Variants in GSE1 observed in about 807,000 individuals in gnomAD.
The protein encoded by GSE1 is Gse1 coiled-coil protein.
A neutral mutation model predicts 112.6 loss-of-function variants in GSE1; 32 were observed. The ratio of observed to expected loss-of-function variants is 0.28; its 90% CI spans 0.21 to 0.38. The LOEUF (loss-of-function observed/expected upper bound fraction) is 0.38, where lower values mean the gene tolerates loss of function less well. Among genes scored for constraint, GSE1 ranks in the 10% least tolerant of loss-of-function variants. The pLI, the probability that GSE1 is intolerant of heterozygous loss-of-function variation, is 1.00. For synonymous variants in GSE1, 1,115 were observed against 735.6 expected, an observed-to-expected ratio of 1.52 and a Z score of -8.35; for missense variants, 2,348 against 1,699.2, an observed-to-expected ratio of 1.38 and a Z score of -6.71.
At chr16:85,400,982 G>A (rs539073137) in intron 2 of GSE1, among the ~76,000 whole-genome samples, 32 of 152,240 alleles carry the variant, frequency 2.1e-4, no homozygotes, top group African/African-American at 7.2e-4. Context: ...GGAGGCAGCC[G>A]GCAAGGTTGG....
chr16:85,320,178 G>A (rs1022560715), intron 1 of GSE1, among the ~76,000 whole-genome samples: 1 of 152,240 alleles, frequency 6.6e-6, no homozygotes, highest in African/African-American at 2.4e-5. Context: ...CTCCAGAGGG[G>A]ACTGGGTGGG....
chr16:85,665,904 G>C (rs1389908936), intron 12 of GSE1, 72 bp from the exon 13 acceptor site: 26 of 1,440,752 alleles, frequency 1.8e-5, no homozygotes, highest in Non-Finnish European at 2.4e-5. Context: ...CTAGAGACCA[G>C]GATCTGCGTG....
At chr16:85,310,131 C>G (rs1004301642) in intron 1 of GSE1, among the ~76,000 whole-genome samples, 1 of 152,188 alleles carries the variant, frequency 6.6e-6, no homozygotes, top group African/African-American at 2.4e-5. Context: ...AGGGGCACCA[C>G]GCAGGCCTGT....
chr16:85,571,791 C>T (rs1222914159), intron 1 of GSE1, among the ~76,000 whole-genome samples: 1 of 152,114 alleles, frequency 6.6e-6, no homozygotes, highest in Admixed American at 6.5e-5. Context: ...CAGAGGGTCC[C>T]TGTCGGTGGC....
At chr16:85,325,348 G>A (rs1215986248) in intron 1 of GSE1, among the ~76,000 whole-genome samples, 1 of 152,090 alleles carries the variant, frequency 6.6e-6, no homozygotes, top group African/African-American at 2.4e-5. Context: ...TTTGACCTCT[G>A]GGGGCTCTTT....
intron 2 of GSE1, among the ~76,000 whole-genome samples, chr16:85,512,237 G>A (rs549846787): frequency 3.9e-5 from 6 of 152,178 alleles, no homozygotes; most frequent in Admixed American, 1.3e-4. Context: ...CGCCAAGCCT[G>A]GACCCAGGCA....
At chr16:85,467,677 C>G (rs966875925) in intron 2 of GSE1, among the ~76,000 whole-genome samples, 1 of 152,180 alleles carries the variant, frequency 6.6e-6, no homozygotes, top group African/African-American at 2.4e-5. Flanking sequence ...CCTTTCCTGA[C>G]CTAGCCAAAG....
intron 1 of GSE1, among the ~76,000 whole-genome samples, chr16:85,272,775 TTC>T (rs1908976019): frequency 6.8e-6 from 1 of 148,060 alleles, no homozygotes; most frequent in South Asian, 2.1e-4. Context: ...TTCTTCTCTT[TTC>T]TTTTTTTTTT....
intron 1 of GSE1, among the ~76,000 whole-genome samples, chr16:85,251,211 G>T (rs375915158): frequency 2.0e-4 from 31 of 152,216 alleles, no homozygotes; most frequent in African/African-American, 6.0e-4. Flanking sequence ...AGTGCTCTCC[G>T]CAGAGCAGCT....
intron 1 of GSE1, among the ~76,000 whole-genome samples, chr16:85,618,375 T>A (rs568959317): frequency 6.6e-6 from 1 of 152,196 alleles, no homozygotes; most frequent in African/African-American, 2.4e-5. Context: ...GACGGGTAAA[T>A]GACAGATGCG....
intron 2 of GSE1, among the ~76,000 whole-genome samples, chr16:85,433,310 G>GT (rs145588897): frequency 0.031 from 4,771 of 152,198 alleles, 254 homozygotes; most frequent in African/African-American, 0.11. Flanking sequence ...GCACAGAGAG[G>GT]TTAAGTCACC....
chr16:85,618,832 G>T (rs1344786928), intron 1 of GSE1, among the ~76,000 whole-genome samples: 2 of 152,244 alleles, frequency 1.3e-5, no homozygotes, highest in African/African-American at 2.4e-5. Context: ...TAATTTTAAA[G>T]AAATTTTTTT....
chr16:85,220,642 C>T (rs1308198681), intron 1 of GSE1, among the ~76,000 whole-genome samples: 1 of 147,780 alleles, frequency 6.8e-6, no homozygotes, highest in East Asian at 2.1e-4. Flanking sequence ...CGCTGCTGCC[C>T]GCTTGCCCTG....
intron 3 of GSE1, among the ~76,000 whole-genome samples, chr16:85,649,650 C>T (rs971709431): frequency 5.3e-5 from 8 of 152,246 alleles, no homozygotes; most frequent in Admixed American, 1.3e-4. Flanking sequence ...CCACCCCTGG[C>T]GCGCAGCCTG....
At chr16:85,234,806 G>A (rs1246105401) in intron 1 of GSE1, among the ~76,000 whole-genome samples, 1 of 152,212 alleles carries the variant, frequency 6.6e-6, no homozygotes, top group African/African-American at 2.4e-5. Context: ...GGCGGGTGGG[G>A]TGGAGGCGGT....
chr16:85,260,645 G>T (rs999700170), intron 1 of GSE1, among the ~76,000 whole-genome samples: 1 of 152,196 alleles, frequency 6.6e-6, no homozygotes, highest in African/African-American at 2.4e-5. Flanking sequence ...TCAACTCAGC[G>T]ACTACTCTGG....
chr16:85,375,070 C>G (rs1021749408), intron 2 of GSE1, among the ~76,000 whole-genome samples: 1 of 152,218 alleles, frequency 6.6e-6, no homozygotes, highest in Non-Finnish European at 1.5e-5. Flanking sequence ...TCTCTCTGCA[C>G]TGCTGCCGGC....
intron 1 of GSE1, among the ~76,000 whole-genome samples, chr16:85,253,631 A>G (rs982661345): frequency 2.6e-5 from 4 of 152,342 alleles, no homozygotes; most frequent in African/African-American, 9.6e-5. Flanking sequence ...TCGGAGCTCC[A>G]GGAGTCTGGG....
intron 2 of GSE1, among the ~76,000 whole-genome samples, chr16:85,639,607 G>A (rs752367707): frequency 1.3e-5 from 2 of 152,256 alleles, no homozygotes; most frequent in Non-Finnish European, 2.9e-5. Flanking sequence ...GGGTGCCCCG[G>A]GAACGCCTGT....
Sources: gnomAD v4.1 joint callset for allele counts (sites outside exome capture counted in the v4.1 genomes callset) on GRCh38, gnomAD v4.1.1 for gene constraint, MANE v1.5 for transcripts, NCBI Gene and HGNC (gene_info 2026-07-23, HGNC 2026-07-21) for gene names.